Variants in MTFR1 observed in about 807,000 individuals in gnomAD.
MTFR1 encodes chondrocyte protein with a poly-proline region.
A neutral mutation model predicts 38.8 loss-of-function variants in MTFR1; 28 were observed. The observed-to-expected ratio is 0.72, with a 90% confidence interval of 0.53 to 0.99. The LOEUF (loss-of-function observed/expected upper bound fraction) is 0.99, where lower values mean the gene tolerates loss of function less well. Among genes scored for constraint, MTFR1 ranks in the 50% least tolerant of loss-of-function variants. The pLI, the probability that MTFR1 is intolerant of heterozygous loss-of-function variation, is 0.00. For synonymous variants in MTFR1, 145 were observed against 137.0 expected (o/e 1.06, Z -0.41); for missense variants, 358 against 395.5 (o/e 0.91, Z 0.81).
intron 3 of MTFR1, chr8:65,726,871 C>G (rs758152611): frequency 6.6e-7 from 1 of 1,522,178 alleles, no homozygotes; most frequent in African/African-American, 1.4e-5. Context: ...TTAATCCAAC[C>G]TACCTGCTTT....
chr8:65,664,046 C>T (rs1380678281), intron 1 of MTFR1, among the ~76,000 whole-genome samples: 2 of 152,066 alleles, frequency 1.3e-5, no homozygotes, highest in Non-Finnish European at 2.9e-5. Flanking sequence ...GAACTCCTGA[C>T]CTGAAGTGAT....
intron 3 of MTFR1, among the ~76,000 whole-genome samples, chr8:65,726,516 T>C (rs1428136423): frequency 3.3e-5 from 5 of 152,192 alleles, no homozygotes; most frequent in Non-Finnish European, 7.4e-5. Flanking sequence ...TTACATTCCA[T>C]CCAATTTACC....
intron 3 of MTFR1, among the ~76,000 whole-genome samples, chr8:65,769,247 C>CAAAAAAA (rs61554087): frequency 9.4e-5 from 7 of 74,462 alleles, no homozygotes; most frequent in African/African-American, 1.5e-4. Flanking sequence ...GACTCAGTCT[C>CAAAAAAA]AAAAAAAAAA....
Position 65,707,051 on chromosome 8 carries a change from C to T in MTFR1, c.559C>T (p.Pro187Ser), listed in dbSNP as rs532192066. The T allele has an allele frequency of 5.6e-6, 9 of 1,610,036 alleles. No individual in the cohort carries two copies. In the East Asian group the frequency reaches 1.8e-4, roughly 32 times the overall value. The stretch of plus-strand genomic sequence containing the variant: ...CACATTTGGTACCATACCACCACAC[C>T]CTCCACCTCCCCCACCGCCCCTGCC... The part of the protein sequence containing the change: ...STTFGTIPPH[P>S]PPPPPPLPPP... Residue 187 changes from proline (P) to serine (S), a missense_variant, in exon 6 of 8, where the codon CCT becomes TCT. Transcript: ENST00000262146.
chr8:65,750,500 GTGTC>G (rs772764719), intron 3 of MTFR1, among the ~76,000 whole-genome samples: 11,758 of 144,002 alleles, frequency 0.082, 557 homozygotes, highest in African/African-American at 0.15. Flanking sequence ...GTGTGTGTGT[GTGTC>G]TGTGTGTGTC....
chr8:65,660,166 C>T (rs1809371454), intron 1 of MTFR1, among the ~76,000 whole-genome samples: 1 of 151,898 alleles, frequency 6.6e-6, no homozygotes, highest in Non-Finnish European at 1.5e-5. Flanking sequence ...TGGTACATGC[C>T]TGTAATCCCA....
intron 3 of MTFR1, among the ~76,000 whole-genome samples, chr8:65,755,164 G>C (rs891836939): frequency 1.3e-5 from 2 of 150,594 alleles, no homozygotes; most frequent in African/African-American, 4.9e-5. Flanking sequence ...GGGACTATAG[G>C]TGCATGCCAC....
At chr8:65,683,181 G>C (rs891348348) in intron 3 of MTFR1, among the ~76,000 whole-genome samples, 6 of 148,198 alleles carry the variant, frequency 4.0e-5, no homozygotes, top group African/African-American at 1.3e-4. Flanking sequence ...TGCCAGGCTG[G>C]AGTGCAGTGG....
chr8:65,768,635 G>C lies in MTFR1; in HGVS notation c.*49-2312G>C, dbSNP rs189940479. On this transcript the variant is annotated intron_variant, in intron 3 of 3. Transcript: ENST00000521247. ...AAACAGACTAATACAAATTCTTACT[G>C]ATACTTGTATTCTCTTTTAATCACA... 6.6e-5 allele frequency among the ~76,000 whole-genome samples: 10 copies of C among 152,216 alleles called. No individual in the cohort carries two copies. The East Asian group carries it at 1.7e-3, about 26-fold the overall frequency.
chr8:65,663,352 C>T (rs1397816867), intron 1 of MTFR1, among the ~76,000 whole-genome samples: 3 of 151,830 alleles, frequency 2.0e-5, no homozygotes, highest in African/African-American at 7.3e-5. Flanking sequence ...TAAGAGTCAT[C>T]ACCACTCTCT....
chr8:65,674,305 T>A (rs1299083625), intron 2 of MTFR1, among the ~76,000 whole-genome samples: 1 of 145,226 alleles, frequency 6.9e-6, no homozygotes, highest in Non-Finnish European at 1.5e-5. Flanking sequence ...TATTTTATCT[T>A]TTTTTTTTTT....
At chr8:65,667,465 T>C (rs534060085) in intron 1 of MTFR1, among the ~76,000 whole-genome samples, 1 of 152,122 alleles carries the variant, frequency 6.6e-6, no homozygotes, top group South Asian at 2.1e-4. Context: ...TATGCTCTTG[T>C]CACCCAGGCT....
chr8:65,701,323 A>G (rs1805607146), intron 4 of MTFR1, among the ~76,000 whole-genome samples: 1 of 152,206 alleles, frequency 6.6e-6, no homozygotes, highest in African/African-American at 2.4e-5. Context: ...ACAGTATAAC[A>G]TTTGTACTGT....
At chr8:65,747,271 C>G (rs1807716126) in intron 3 of MTFR1, among the ~76,000 whole-genome samples, 1 of 152,192 alleles carries the variant, frequency 6.6e-6, no homozygotes, top group Non-Finnish European at 1.5e-5. Flanking sequence ...TGGGCGCAAA[C>G]AAGTCCCTCG....
intron 3 of MTFR1, among the ~76,000 whole-genome samples, chr8:65,733,169 C>T (rs1806973290): frequency 6.6e-6 from 1 of 152,122 alleles, no homozygotes; most frequent in African/African-American, 2.4e-5. Context: ...ATCAGAACTC[C>T]ACAGGCAAAA....
At chr8:65,704,989 CT>C in intron 5 of MTFR1, 60 bp downstream of exon 5, 1 of 1,394,926 alleles carries the variant, frequency 7.2e-7, no homozygotes, top group Non-Finnish European at 9.9e-7. Context: ...GAGAATGCTA[CT>C]TACTTTAAAA....
chr8:65,762,613 T>C (rs1585888690), intron 3 of MTFR1, among the ~76,000 whole-genome samples: 1 of 152,190 alleles, frequency 6.6e-6, no homozygotes, highest in South Asian at 2.1e-4. Context: ...TGAGATAATA[T>C]ATGCAGTATG....
intron 2 of MTFR1, among the ~76,000 whole-genome samples, chr8:65,675,158 G>A (rs1219917057): frequency 6.6e-6 from 1 of 152,186 alleles, no homozygotes; most frequent in Non-Finnish European, 1.5e-5. Flanking sequence ...GGGCATGGTA[G>A]CGCATGCCCG....
chr8:65,715,941 G>A (rs1175259282), intron 2 of MTFR1, among the ~76,000 whole-genome samples: 2 of 138,820 alleles, frequency 1.4e-5, no homozygotes, highest in African/African-American at 5.3e-5. Context: ...AACTTGCAGT[G>A]AGCCAATATC....
Sources: gnomAD v4.1 joint callset for allele counts (sites outside exome capture counted in the v4.1 genomes callset) on GRCh38, gnomAD v4.1.1 for gene constraint, MANE v1.5 for transcripts, NCBI Gene and HGNC (gene_info 2026-07-23, HGNC 2026-07-21) for gene names.